The following TANC2 variants were observed in gnomAD, a reference collection of about 807,000 sequenced individuals.
TANC2 encodes the protein tetratricopeptide repeat, ankyrin repeat and coiled-coil containing 2.
A neutral mutation model predicts 210.5 loss-of-function variants in TANC2; 26 were observed. The observed-to-expected ratio is 0.12, with a 90% CI of 0.09 to 0.17. The LOEUF (loss-of-function observed/expected upper bound fraction) is 0.17. Ranked by LOEUF, TANC2 falls within the 10% of genes least tolerant of loss-of-function variation. The pLI, the probability that TANC2 is intolerant of heterozygous loss-of-function variation, is 1.00. For synonymous variants in TANC2, 931 were observed against 967.1 expected (o/e 0.96, Z 0.69); for missense variants, 2,129 against 2,608.9 (o/e 0.82, Z 4.01).
At chr17:63,321,750 A>G (rs7217599) in intron 11 of TANC2, among the ~76,000 whole-genome samples, 3,200 of 152,186 alleles carry the variant, frequency 0.021, 103 homozygotes, top group African/African-American at 0.072. Flanking sequence ...ACCTTGCTCA[A>G]TGTGTGGTGT....
At chr17:63,399,079 T>G (rs759878622) in intron 19 of TANC2, 165 bp downstream of exon 19, 2 of 454,244 alleles carry the variant, frequency 4.4e-6, no homozygotes, top group Non-Finnish European at 8.0e-6. Flanking sequence ...TTTTCCTCTT[T>G]CAATCCTCTT....
chr17:63,373,971 ACT>A (rs1255281530), intron 14 of TANC2, among the ~76,000 whole-genome samples: 1 of 147,776 alleles, frequency 6.8e-6, no homozygotes, highest in East Asian at 2.0e-4. Flanking sequence ...ATGGCGTGAG[ACT>A]CTGTCTCAAA....
intron 7 of TANC2, among the ~76,000 whole-genome samples, chr17:63,232,904 C>T (rs1598661242): frequency 6.6e-6 from 1 of 152,248 alleles, no homozygotes; most frequent in Non-Finnish European, 1.5e-5. Flanking sequence ...ACTGCGGCTG[C>T]CTCTCCTTCT....
intron 9 of TANC2, among the ~76,000 whole-genome samples, chr17:63,282,829 T>C (rs542500359): frequency 6.6e-6 from 1 of 152,204 alleles, no homozygotes; most frequent in South Asian, 2.1e-4. Context: ...ACATCCTCTT[T>C]AAGTTGTGAA....
At chr17:63,274,479 T>C (rs754966404) in intron 9 of TANC2, among the ~76,000 whole-genome samples, 2 of 152,184 alleles carry the variant, frequency 1.3e-5, no homozygotes, top group Non-Finnish European at 2.9e-5. Flanking sequence ...TTGATAGATA[T>C]TAATTTGAAT....
chr17:63,224,744 G>A (rs962585145), intron 7 of TANC2, among the ~76,000 whole-genome samples: 6 of 152,122 alleles, frequency 3.9e-5, no homozygotes, highest in African/African-American at 1.4e-4. Context: ...ATTTCTCATT[G>A]CCTTAGTGAA....
At chr17:63,324,036 A>G (rs1171933611) in intron 11 of TANC2, among the ~76,000 whole-genome samples, 1 of 152,194 alleles carries the variant, frequency 6.6e-6, no homozygotes, top group Non-Finnish European at 1.5e-5. Flanking sequence ...AAATCCATCC[A>G]TCATTTAAGG....
chr17:63,195,166 T>A (rs949266308), intron 6 of TANC2, among the ~76,000 whole-genome samples: 1 of 152,234 alleles, frequency 6.6e-6, no homozygotes, highest in Non-Finnish European at 1.5e-5. Flanking sequence ...TTTTGCTAGC[T>A]GCACATTATT....
chr17:63,169,899 A>G (rs1035409667), intron 5 of TANC2, among the ~76,000 whole-genome samples: 2 of 152,040 alleles, frequency 1.3e-5, no homozygotes, highest in African/African-American at 4.8e-5. Flanking sequence ...TGGGAGGCCA[A>G]GGCGGGCAGA....
rs1377554618 is a variant in TANC2 at position 62,966,513 on chromosome 17, CCGAGGGG to C, written c.-255_-249del. On this transcript the variant is annotated 5_prime_UTR_variant, in exon 1 of 28. Transcript: ENST00000689528. The surrounding 1 kb of genome is among the most constrained non-coding windows in gnomAD (Gnocchi z 5.1). Reference sequence around the variant, plus strand: ...AGGCGCCCGCCGCCGCCGAGCCGAGCCGAGGGGCGAGAGCTGGCCCCCGAGCCGCCGC... The same window carrying C: ...AGGCGCCCGCCGCCGCCGAGCCGAGCCGAGAGCTGGCCCCCGAGCCGCCGC... Among the ~76,000 whole-genome samples, 3 of 149,592 alleles carry C rather than the reference CCGAGGGG, an allele frequency of 2.0e-5. No individual in the cohort carries two copies. Among genetic ancestry groups the C allele is most frequent in the Admixed American group, 6.6e-5 (1 of 15,038 alleles).
intron 7 of TANC2, among the ~76,000 whole-genome samples, chr17:63,232,534 G>T (rs756290867): frequency 1.3e-5 from 2 of 152,216 alleles, no homozygotes; most frequent in Non-Finnish European, 2.9e-5. Context: ...AGTTTGCTGG[G>T]GGTCCATCCC....
chr17:63,179,581 A>G (rs182930943), intron 5 of TANC2, among the ~76,000 whole-genome samples: 111 of 152,276 alleles, frequency 7.3e-4, no homozygotes, highest in African/African-American at 2.6e-3. Flanking sequence ...AACTTCAAAC[A>G]CTGTTTTAAA....
intron 9 of TANC2, 62 bp from the exon 10 acceptor site, chr17:63,314,326 C>T: frequency 1.5e-5 from 24 of 1,572,614 alleles, no homozygotes; most frequent in Admixed American, 1.4e-4. Flanking sequence ...CATTTTTTCT[C>T]TCTTTGTTTC....
At chr17:63,002,648 T>G (rs1299587232) in intron 1 of TANC2, among the ~76,000 whole-genome samples, 8 of 152,210 alleles carry the variant, frequency 5.3e-5, no homozygotes. Context: ...CATTTCTAAG[T>G]TGATCCCCAT....
Position 63,421,226 on chromosome 17 carries a change from G to C in TANC2, c.5496G>C (p.Ser1832=), listed in dbSNP as rs558711762. The C allele has an allele frequency of 6.2e-7, 1 of 1,613,982 alleles. No individual in the cohort carries two copies. Among genetic ancestry groups the C allele is most frequent in the Admixed American group, 1.7e-5 (1 of 60,024 alleles). Residue 1832 remains serine, a synonymous_variant, in exon 28 of 28, where the codon TCG becomes TCC. Transcript: ENST00000689528. This position sits in a 1 kb window ranked among gnomAD's most constrained non-coding sequence, Gnocchi z 6.9. ...GCCAACTAGGTTCCCCTGATGTGTCGCATTTAATCAGAAGACCTATCAGTG... is the reference window on the plus strand; with the variant it reads ...GCCAACTAGGTTCCCCTGATGTGTCCCATTTAATCAGAAGACCTATCAGTG...
chr17:63,191,338 C>T (rs1170422746), intron 5 of TANC2, among the ~76,000 whole-genome samples: 1 of 148,458 alleles, frequency 6.7e-6, no homozygotes, highest in African/African-American at 2.5e-5. Context: ...TTTAATGGTG[C>T]CATAATGGCA....
chr17:63,101,137 A>C (rs2037604837), intron 4 of TANC2, among the ~76,000 whole-genome samples: 1 of 152,172 alleles, frequency 6.6e-6, no homozygotes, highest in African/African-American at 2.4e-5. Context: ...ATTACTTTGA[A>C]ATTCAAAATA....
chr17:62,977,910 T>TATAC (rs1217494118), intron 1 of TANC2, among the ~76,000 whole-genome samples: 1 of 152,186 alleles, frequency 6.6e-6, no homozygotes, highest in East Asian at 1.9e-4. Flanking sequence ...TACACATAAA[T>TATAC]ATACAGGCTT....
intron 5 of TANC2, among the ~76,000 whole-genome samples, chr17:63,181,644 A>G (rs979204400): frequency 1.3e-5 from 2 of 152,172 alleles, no homozygotes; most frequent in African/African-American, 4.8e-5. Context: ...GACACCTCCT[A>G]CCACCTTAAA....
Sources: allele counts gnomAD v4.1 joint callset (sites outside exome capture counted in the v4.1 genomes callset), GRCh38; gene constraint gnomAD v4.1.1; non-coding constraint Gnocchi (gnomAD v3.1); transcripts MANE v1.5; gene names NCBI Gene and HGNC (gene_info 2026-07-23, HGNC 2026-07-21).